Variants in GRID1 observed in about 807,000 individuals in gnomAD.
The protein encoded by GRID1 is glutamate ionotropic receptor delta type subunit 1, also known as glutamate receptor ionotropic, delta-1.
Under a neutral mutation model 98.0 loss-of-function variants are expected in GRID1, and 28 were observed. The observed-to-expected ratio is 0.29, with a 90% CI of 0.21 to 0.39. The LOEUF (loss-of-function observed/expected upper bound fraction) is 0.39, where lower values mean the gene tolerates loss of function less well. GRID1 is among the 10% of genes least tolerant of loss of function. The pLI, the probability that GRID1 is intolerant of heterozygous loss-of-function variation, is 1.00. For synonymous variants in GRID1, 553 were observed against 538.5 expected (o/e 1.03, Z -0.37); for missense variants, 1,111 against 1,340.5 (o/e 0.83, Z 2.67).
At position 86,146,503 on chromosome 10, in the gene GRID1, G is replaced by A. The variant is rs1460981345; in HGVS notation, c.521-7479C>T. Among the ~76,000 whole-genome samples, 15 of 152,250 alleles carry A rather than the reference G, an allele frequency of 9.9e-5. No homozygotes were observed. In the East Asian group the frequency reaches 2.9e-3, roughly 29 times the overall value. On this transcript the variant is annotated intron_variant, in intron 3 of 15. Coordinates refer to ENST00000327946, the MANE Select transcript of GRID1 (RefSeq NM_017551.3). ...GCAGCAGCGTCTGCCATTTCCAAGG[G>A]AACCCAAAGAACTACCTGCTGTGGC...
chr10:85,981,146 A>G (rs1432193706), intron 4 of GRID1, among the ~76,000 whole-genome samples: 3 of 152,180 alleles, frequency 2.0e-5, no homozygotes, highest in African/African-American at 4.8e-5. Context: ...ACTGACCAAC[A>G]GGCTCCAGGC....
intron 4 of GRID1, among the ~76,000 whole-genome samples, chr10:86,117,821 G>A (rs1194747299): frequency 6.6e-6 from 1 of 152,230 alleles, no homozygotes; most frequent in African/African-American, 2.4e-5. Context: ...TGGCTTGAAT[G>A]CAGTGAAAAG....
chr10:86,287,804 CA>C (rs1339211627), intron 2 of GRID1, among the ~76,000 whole-genome samples: 14 of 151,646 alleles, frequency 9.2e-5, no homozygotes, highest in African/African-American at 3.1e-4. Flanking sequence ...GGTTTCAGCC[CA>C]AAATTCCTGT....
At chr10:85,956,768 T>C (rs1842200160) in intron 4 of GRID1, among the ~76,000 whole-genome samples, 1 of 152,190 alleles carries the variant, frequency 6.6e-6, no homozygotes, top group African/African-American at 2.4e-5. Flanking sequence ...TTGAAATGGA[T>C]CCAGCAAGAA....
intron 12 of GRID1, among the ~76,000 whole-genome samples, chr10:85,702,767 C>T (rs1259533079): frequency 2.7e-5 from 4 of 148,072 alleles, no homozygotes; most frequent in Admixed American, 2.1e-4. Flanking sequence ...TGAGGATAAA[C>T]GGAGGCAGAG....
intron 8 of GRID1, among the ~76,000 whole-genome samples, chr10:85,737,391 C>T (rs1042034075): frequency 6.6e-6 from 1 of 151,844 alleles, no homozygotes; most frequent in African/African-American, 2.4e-5. Context: ...GCAGAAATAC[C>T]TTCTGCACTG....
At chr10:85,632,528 G>A (rs1023925539) in intron 13 of GRID1, among the ~76,000 whole-genome samples, 5 of 151,126 alleles carry the variant, frequency 3.3e-5, no homozygotes, top group Non-Finnish European at 7.4e-5. Context: ...TTGGAACAAG[G>A]CCCACCCTTT....
At chr10:85,828,253 T>C (rs1590252047) in intron 8 of GRID1, among the ~76,000 whole-genome samples, 2 of 151,914 alleles carry the variant, frequency 1.3e-5, no homozygotes, top group East Asian at 3.9e-4. Context: ...AATAAATATA[T>C]AACATAGCAG....
At chr10:86,072,381 A>G (rs570106314) in intron 4 of GRID1, among the ~76,000 whole-genome samples, 32 of 152,330 alleles carry the variant, frequency 2.1e-4, no homozygotes, top group African/African-American at 7.0e-4. Flanking sequence ...CTCATGGGAA[A>G]GGCAATGTCC....
At chr10:86,124,558 T>A (rs1419876722) in intron 4 of GRID1, among the ~76,000 whole-genome samples, 1 of 152,168 alleles carries the variant, frequency 6.6e-6, no homozygotes, top group Non-Finnish European at 1.5e-5. Flanking sequence ...GAAACCACTC[T>A]CTTCTTACCT....
At chr10:85,943,067 C>T (rs1274364397) in intron 4 of GRID1, among the ~76,000 whole-genome samples, 1 of 152,134 alleles carries the variant, frequency 6.6e-6, no homozygotes, top group Non-Finnish European at 1.5e-5. Context: ...AGAGTTGCTT[C>T]CAATTTTTCA....
intron 15 of GRID1, chr10:85,606,995 A>G (rs555528986): frequency 6.6e-6 from 1 of 152,150 alleles, no homozygotes; most frequent in Non-Finnish European, 1.5e-5. Flanking sequence ...GACCTAGTCA[A>G]ACATCCCTGA....
At chr10:85,637,853 T>C (rs2132542567) in intron 13 of GRID1, among the ~76,000 whole-genome samples, 1 of 152,322 alleles carries the variant, frequency 6.6e-6, no homozygotes, top group South Asian at 2.1e-4. Context: ...ATCCATATTC[T>C]TTCCCACATT....
intron 12 of GRID1, among the ~76,000 whole-genome samples, chr10:85,666,832 C>T (rs1172253474): frequency 1.3e-5 from 2 of 152,158 alleles, no homozygotes; most frequent in African/African-American, 4.8e-5. Flanking sequence ...ATACAGCTCA[C>T]ATCAGGTGCA....
chr10:85,965,039 CT>C (rs1444078081), intron 4 of GRID1, among the ~76,000 whole-genome samples: 1 of 152,194 alleles, frequency 6.6e-6, no homozygotes, highest in Non-Finnish European at 1.5e-5. Context: ...TGAAAAAAAG[CT>C]CATCATCACT....
chr10:85,961,599 CCTT>C (rs1275319752), intron 4 of GRID1, among the ~76,000 whole-genome samples: 8 of 151,206 alleles, frequency 5.3e-5, no homozygotes, highest in Non-Finnish European at 1.2e-4. Flanking sequence ...TTCTCTCCCT[CCTT>C]CTTTCATTCC....
intron 3 of GRID1, among the ~76,000 whole-genome samples, chr10:86,142,192 A>T (rs574577430): frequency 6.6e-6 from 1 of 152,348 alleles, no homozygotes; most frequent in Admixed American, 6.5e-5. Context: ...TCAGATGCAC[A>T]AGCGAGCCCA....
intron 3 of GRID1, among the ~76,000 whole-genome samples, chr10:86,160,206 C>A (rs551512784): frequency 6.6e-6 from 1 of 152,202 alleles, no homozygotes; most frequent in Non-Finnish European, 1.5e-5. Context: ...CTTGGTCTTG[C>A]CAAAGCCACA....
intron 5 of GRID1, among the ~76,000 whole-genome samples, chr10:85,910,683 G>A (rs1181470179): frequency 6.6e-6 from 1 of 152,214 alleles, no homozygotes; most frequent in African/African-American, 2.4e-5. Context: ...TTAGGATACA[G>A]TCAGATTGTT....
Sources: allele counts gnomAD v4.1 joint callset (sites outside exome capture counted in the v4.1 genomes callset), GRCh38; gene constraint gnomAD v4.1.1; transcripts MANE v1.5; gene names NCBI Gene and HGNC (gene_info 2026-07-23, HGNC 2026-07-21).